The following SERPINA6 variants were observed in gnomAD, a reference collection of about 807,000 sequenced individuals.
SERPINA6 encodes the protein serpin family A member 6, also known as corticosteroid-binding globulin.
Under a neutral mutation model 26.4 loss-of-function variants are expected in SERPINA6, and 19 were observed. The observed-to-expected ratio is 0.72, with a 90% CI of 0.50 to 1.06. SERPINA6 has a LOEUF of 1.06. SERPINA6 is among the 50% of genes least tolerant of loss of function. SERPINA6 has a pLI of 0.00. For missense variants in SERPINA6, 473 were observed against 504.0 expected, an observed-to-expected ratio of 0.94 and a Z score of 0.59; for synonymous variants, 196 against 199.4, an observed-to-expected ratio of 0.98 and a Z score of 0.14.
chr14:94,319,371 G>C (rs978210941), intron 1 of SERPINA6, among the ~76,000 whole-genome samples: 1 of 152,178 alleles, frequency 6.6e-6, no homozygotes, highest in African/African-American at 2.4e-5. Context: ...AATATAAAGT[G>C]CTACAATGTG....
chr14:94,306,885 ATTC>A (rs1437679056), intron 3 of SERPINA6, among the ~76,000 whole-genome samples: 2 of 152,178 alleles, frequency 1.3e-5, no homozygotes, highest in African/African-American at 2.4e-5. Context: ...TTATTTTTAA[ATTC>A]TTCTTGTGCC....
In SERPINA6 at chr14:94,314,545, T is replaced by C; in HGVS notation, c.104A>G (p.His35Arg). The C allele has an allele frequency of 6.2e-7, 1 of 1,614,216 alleles. No individual in the cohort carries two copies. The highest frequency in any genetic ancestry group is 8.5e-7 in the Non-Finnish European group (1 of 1,180,040). ...PNAAYVNMSN[H>R]HRGLASANVD... ...GTTGGCTGAAGCCAGGCCCCGGTGA[T>C]GGTTACTCATGTTCACATAAGCAGC... The change falls in exon 2 of 5, where the codon CAT (histidine) becomes CGT (arginine). Residue 35 changes from histidine (H) to arginine (R), a missense_variant. His to Arg is a conservative substitution (Grantham distance 29, BLOSUM62 0). Coordinates refer to ENST00000341584, the MANE Select transcript of SERPINA6 (RefSeq NM_001756.4).
chr14:94,309,659 C>T (rs1895496583), intron 3 of SERPINA6, 77 bp downstream of exon 3: 1 of 1,536,304 alleles, frequency 6.5e-7, no homozygotes, highest in Non-Finnish European at 8.9e-7. Context: ...GATGCCCCAG[C>T]ATACTCCCTT....
At chr14:94,305,316 G>C (rs1473897304) in intron 4 of SERPINA6, among the ~76,000 whole-genome samples, 1 of 152,182 alleles carries the variant, frequency 6.6e-6, no homozygotes, top group Non-Finnish European at 1.5e-5. Context: ...GAGCAGATGA[G>C]GTTTTGAGTC....
intron 3 of SERPINA6, 141 bp downstream of exon 3, chr14:94,309,593 TGG>T: frequency 1.1e-6 from 1 of 874,034 alleles, no homozygotes; most frequent in Non-Finnish European, 1.9e-6. Context: ...TTACAGCCTT[TGG>T]GGGCCCAGCA....
intron 1 of SERPINA6, among the ~76,000 whole-genome samples, chr14:94,315,815 T>C (rs1895606139): frequency 6.6e-6 from 1 of 152,228 alleles, no homozygotes; most frequent in South Asian, 2.1e-4. Flanking sequence ...CTTCATTTCC[T>C]ATATTACTGT....
rs537163230 is a variant in SERPINA6 at position 94,304,599 on chromosome 14, A to G, written c.1037T>C (p.Val346Ala). The stretch of plus-strand genomic sequence containing the variant: ...ATTGAGTTGCAGCACAGCTTTATGG[A>G]CCACCTGTTAGGTACAGAATGAAGA... ...QDAQLKSSKV[V>A]HKAVLQLNEE... Residue 346 changes from valine to alanine, a missense_variant, in exon 5 of 5, where the codon GTC becomes GCC. Transcript: ENST00000341584. 3.0e-5 allele frequency: 49 copies of G among 1,613,884 alleles called. 1 individual carries two copies. In the South Asian group the frequency reaches 5.2e-4, roughly 17 times the overall value.
Position 94,309,859 on chromosome 14 carries a change from T to C in SERPINA6, c.761A>G (p.Gln254Arg). The C allele has an allele frequency of 1.9e-6, 3 of 1,614,222 alleles. No individual in the cohort carries two copies. The highest frequency in any genetic ancestry group is 2.5e-6 in the Non-Finnish European group (3 of 1,180,046). The change falls in exon 3 of 5, where the codon CAG becomes CGG. Residue 254 changes from glutamine to arginine, a missense_variant. Coordinates refer to ENST00000341584, the MANE Select transcript of SERPINA6 (RefSeq NM_001756.4). Reference protein sequence around the residue: ...HDSELPCQLVQMNYVGNGTVF... With the variant: ...HDSELPCQLVRMNYVGNGTVF... ...AGTCCCATTGCCCACGTAGTTCATC[T>C]GCACCAGCTGGCAGGGGAGCTCCGA...
intron 2 of SERPINA6, 64 bp from the exon 3 acceptor site, chr14:94,310,070 G>C: frequency 6.5e-7 from 1 of 1,534,600 alleles, no homozygotes; most frequent in Non-Finnish European, 8.9e-7. Context: ...GTGATCTCAC[G>C]GGCCTACTAT....
In SERPINA6 at chr14:94,304,271, A is replaced by T; in HGVS notation, c.*147T>A. ...CATCAGAGTCGCAATGACATTTATT[A>T]AAAGATGCCTAAAGTTAGACACAAC... is the stretch of plus-strand genomic sequence containing the variant. On this transcript the variant is annotated 3_prime_UTR_variant, in exon 5 of 5. Coordinates refer to ENST00000341584, the MANE Select transcript of SERPINA6 (RefSeq NM_001756.4). 1 of 822,634 alleles carries T rather than the reference A, an allele frequency of 1.2e-6. No individual in the cohort carries two copies. Among genetic ancestry groups the T allele is most frequent in the Non-Finnish European group, 2.1e-6 (1 of 477,534 alleles). The allele number at this position is 822,634 out of a possible 1,614,324, so 51.0% of individuals were successfully genotyped here.
rs753477985 is a variant in SERPINA6, at chr14:94,314,157, T to C, written c.492A>G (p.Ala164=). 9 of 1,614,270 alleles carry C rather than the reference T, an allele frequency of 5.6e-6. No individual in the cohort carries two copies. Among genetic ancestry groups the C allele is most frequent in the Non-Finnish European group, 6.8e-6 (8 of 1,180,040 alleles). The change falls in exon 2 of 5, where the codon GCA becomes GCG. Residue 164 remains alanine, a synonymous_variant. Transcript: ENST00000341584. The stretch of plus-strand genomic sequence containing the variant: ...AGCTGTTGATCTGTCTGCTGGCTGT[T>C]GCCCAGTCCTGGAAATTCATAGCCA... ...EVLAMNFQDW[A]TASRQINSYV...
rs1895504091 is a variant in SERPINA6, at chr14:94,309,957, G to A, written c.663C>T (p.Phe221=). 1 of 1,614,030 alleles carries A rather than the reference G, an allele frequency of 6.2e-7. No individual in the cohort carries two copies. Among genetic ancestry groups the A allele is most frequent in the African/African-American group, 1.3e-5 (1 of 74,900 alleles). The change falls in exon 3 of 5, where the codon TTC becomes TTT. Residue 221 remains phenylalanine (F), a synonymous_variant. Transcript: ENST00000341584. ...TCACCACAGTTGTCTCGTCCACATA[G>A]AAGTTCTCCTCCCTGGTGCTTGCCA... ...FDLASTREEN[F]YVDETTVVKV...
intron 1 of SERPINA6, among the ~76,000 whole-genome samples, chr14:94,322,641 A>T (rs1051590709): frequency 6.6e-6 from 1 of 152,216 alleles, no homozygotes; most frequent in African/African-American, 2.4e-5. Flanking sequence ...CACTTAGTAA[A>T]TATTCACTGT....
intron 1 of SERPINA6, among the ~76,000 whole-genome samples, chr14:94,319,158 C>T (rs1895650638): frequency 6.6e-6 from 1 of 152,110 alleles, no homozygotes; most frequent in South Asian, 2.1e-4. Flanking sequence ...AAACAGAAAA[C>T]AATAAGTTGG....
intron 4 of SERPINA6, among the ~76,000 whole-genome samples, chr14:94,305,494 A>G (rs952495804): frequency 1.3e-5 from 2 of 152,126 alleles, no homozygotes; most frequent in African/African-American, 4.8e-5. Flanking sequence ...CACGCATTTT[A>G]CTGAGCACAT....
At chr14:94,316,366 T>A (rs1035655424) in intron 1 of SERPINA6, among the ~76,000 whole-genome samples, 1 of 152,240 alleles carries the variant, frequency 6.6e-6, no homozygotes, top group Non-Finnish European at 1.5e-5. Flanking sequence ...ATAGGTCTGA[T>A]ACATCTAGCT....
At chr14:94,306,281 G>A in intron 3 of SERPINA6, 63 bp from the exon 4 acceptor site, 4 of 1,542,986 alleles carry the variant, frequency 2.6e-6, no homozygotes, top group Non-Finnish European at 3.6e-6. Flanking sequence ...GGGGAGAGCA[G>A]CACCTCTTCT....
At chr14:94,322,172 A>G (rs182300444) in intron 1 of SERPINA6, among the ~76,000 whole-genome samples, 151 of 152,292 alleles carry the variant, frequency 9.9e-4, no homozygotes, top group Admixed American at 2.4e-3. Flanking sequence ...CATTCTGCCT[A>G]TCTCTACAGA....
At chr14:94,305,677 G>A (rs896820341) in intron 4 of SERPINA6, among the ~76,000 whole-genome samples, 2 of 152,194 alleles carry the variant, frequency 1.3e-5, no homozygotes, top group Admixed American at 1.3e-4. Flanking sequence ...AAGGATTTAT[G>A]TAATTGAATG....
Sources: gnomAD v4.1 joint callset for allele counts (sites outside exome capture counted in the v4.1 genomes callset) on GRCh38, gnomAD v4.1.1 for gene constraint, MANE v1.5 for transcripts, NCBI Gene and HGNC (gene_info 2026-07-23, HGNC 2026-07-21) for gene names.